UMODL1: variants seen among roughly 807,000 people sequenced by gnomAD.
The protein encoded by UMODL1 is uromodulin like 1, also known as uromodulin-like 1.
A neutral mutation model predicts 136.3 loss-of-function variants in UMODL1; 128 were observed. The ratio of observed to expected loss-of-function variants is 0.94; its 90% confidence interval spans 0.81 to 1.09. UMODL1 has a LOEUF of 1.09. Among genes scored for constraint, UMODL1 ranks in the 50% least tolerant of loss-of-function variants. The pLI, the probability that UMODL1 is intolerant of heterozygous loss-of-function variation, is 0.00. For synonymous variants in UMODL1, 721 were observed against 720.0 expected (o/e 1.00, Z -0.02); for missense variants, 1,766 against 1,725.6 (o/e 1.02, Z -0.41).
chr21:42,109,604 C>T lies in UMODL1; in HGVS notation c.1562C>T (p.Pro521Leu), dbSNP rs367931026. The change falls in exon 10 of 23, where the codon CCG becomes CTG. Residue 521 changes from proline to leucine, a missense_variant. Transcript: ENST00000408910. ...GACAGCGCGGAACACGACTGCTCAC[C>T]GGCTGCCTGGTGCATCAACCTGGAG... ...CVDSAEHDCS[P>L]AAWCINLEGS... The T allele has an allele frequency of 2.2e-5, 36 of 1,611,402 alleles. No homozygotes were observed. Among genetic ancestry groups the T allele is most frequent in the East Asian group, 1.1e-4 (5 of 44,886 alleles).
intron 4 of UMODL1, among the ~76,000 whole-genome samples, chr21:42,086,354 T>C (rs2066426571): frequency 6.6e-6 from 1 of 152,236 alleles, no homozygotes; most frequent in African/African-American, 2.4e-5. Context: ...GGTGTCTTGG[T>C]GTCAAACCCA....
chr21:42,134,914 T>G (rs1162575463), intron 21 of UMODL1, among the ~76,000 whole-genome samples: 6 of 152,130 alleles, frequency 3.9e-5, no homozygotes, highest in Non-Finnish European at 7.4e-5. Flanking sequence ...GTGAGCCACC[T>G]TGCCTGGCAA....
intron 2 of UMODL1, among the ~76,000 whole-genome samples, chr21:42,077,904 G>T (rs548022561): frequency 1.3e-5 from 2 of 152,276 alleles, no homozygotes; most frequent in African/African-American, 4.8e-5. Flanking sequence ...GCCCCAGATT[G>T]TAGAGTCTGG....
intron 2 of UMODL1, among the ~76,000 whole-genome samples, chr21:42,079,084 C>T (rs2066329933): frequency 6.6e-6 from 1 of 152,182 alleles, no homozygotes; most frequent in Non-Finnish European, 1.5e-5. Flanking sequence ...CCTGTGAAGG[C>T]CACACCTCTT....
chr21:42,089,468 G>C (rs2066464882), intron 5 of UMODL1, among the ~76,000 whole-genome samples: 1 of 152,164 alleles, frequency 6.6e-6, no homozygotes, highest in South Asian at 2.1e-4. Context: ...GAGCACACCT[G>C]TGGGTGGACC....
intron 2 of UMODL1, among the ~76,000 whole-genome samples, chr21:42,080,161 G>T (rs1345427940): frequency 6.6e-6 from 1 of 152,214 alleles, no homozygotes; most frequent in Non-Finnish European, 1.5e-5. Context: ...TTTGATCAAA[G>T]CCGCCTTTTT....
At chr21:42,132,637 A>G (rs201384144) in intron 21 of UMODL1, among the ~76,000 whole-genome samples, 1 of 136,262 alleles carries the variant, frequency 7.3e-6, no homozygotes, top group Non-Finnish European at 1.6e-5. Context: ...TTTATTCATT[A>G]ATTCATTCAT....
chr21:42,092,313 C>A (rs538260673), intron 6 of UMODL1, among the ~76,000 whole-genome samples: 3 of 151,986 alleles, frequency 2.0e-5, no homozygotes, highest in African/African-American at 4.8e-5. Context: ...AAAAGACAGG[C>A]GAAGCTGATC....
intron 14 of UMODL1, among the ~76,000 whole-genome samples, chr21:42,118,436 A>C (rs768336235): frequency 2.6e-5 from 4 of 152,234 alleles, no homozygotes; most frequent in African/African-American, 9.6e-5. Context: ...ATTGAAGCTC[A>C]TTATAAGATT....
intron 4 of UMODL1, among the ~76,000 whole-genome samples, chr21:42,088,082 T>A (rs1172942378): frequency 1.3e-5 from 2 of 152,236 alleles, no homozygotes; most frequent in African/African-American, 2.4e-5. Context: ...ATTCAGCTTA[T>A]CACAACTGGT....
rs57887783 is a variant in UMODL1 at position 42,108,860 on chromosome 21, C to G, written c.1520-702C>G. ...GGCGCGGGAAGTTCATGTTGTACTC[C>G]GCTGGACCCCACCCCCGGCGTGGGA... On this transcript the variant is annotated intron_variant, in intron 9 of 22. Coordinates refer to ENST00000408910, the MANE Select transcript of UMODL1 (RefSeq NM_001004416.3). Among the ~76,000 whole-genome samples the G allele has an allele frequency of 1.8e-4, 16 of 89,926 alleles. 2 individuals carry two copies. Among genetic ancestry groups the G allele is most frequent in the African/African-American group, 4.2e-4 (9 of 21,424 alleles). The allele number at this position is 89,926 out of a possible 152,430, so 59.0% of individuals were successfully genotyped here. A position where few individuals can be genotyped will look rare whatever the true frequency, so the allele number is the denominator to read the frequency against.
chr21:42,138,943 G>A (rs1342379452), intron 22 of UMODL1, among the ~76,000 whole-genome samples: 2 of 152,178 alleles, frequency 1.3e-5, no homozygotes, highest in Non-Finnish European at 2.9e-5. Flanking sequence ...CAAGGCAGGA[G>A]GATCGCTTAA....
chr21:42,110,962 C>A lies in UMODL1; in HGVS notation c.1740C>A (p.Ala580=). 6.2e-7 allele frequency: 1 copy of A among 1,613,202 alleles called. No homozygotes were observed. The highest frequency in any genetic ancestry group is 8.5e-7 in the Non-Finnish European group (1 of 1,179,816). ...TVPGLGTGTA[A]LGLENFTLSP... ...CAGGTCTTGGCACGGGAACAGCAGC[C>A]CTCGGCCTAGAGAACTTCACCTTGT... The change falls in exon 11 of 23, where the codon GCC becomes GCA. Residue 580 remains alanine (A), a synonymous_variant. Coordinates refer to ENST00000408910, the MANE Select transcript of UMODL1 (RefSeq NM_001004416.3).
chr21:42,074,461 T>G (rs545851279), intron 1 of UMODL1, among the ~76,000 whole-genome samples: 28 of 152,276 alleles, frequency 1.8e-4, no homozygotes, highest in Admixed American at 1.1e-3. Context: ...CAATTCAAAC[T>G]AGGCAGTAGG....
intron 17 of UMODL1, among the ~76,000 whole-genome samples, chr21:42,126,123 G>A (rs1229802417): frequency 1.3e-5 from 2 of 152,210 alleles, no homozygotes; most frequent in African/African-American, 4.8e-5. Flanking sequence ...ATCCCCACAG[G>A]TTCAGGTGCT....
chr21:42,140,298 G>A (rs2067262162), intron 22 of UMODL1, among the ~76,000 whole-genome samples: 1 of 100,546 alleles, frequency 9.9e-6, no homozygotes, highest in Non-Finnish European at 2.2e-5. Flanking sequence ...GAAAGGGATA[G>A]ACGTCCCAGG....
intron 9 of UMODL1, among the ~76,000 whole-genome samples, chr21:42,104,590 T>C (rs570023891): frequency 3.3e-5 from 5 of 151,972 alleles, no homozygotes; most frequent in Non-Finnish European, 7.4e-5. Flanking sequence ...GCTGGGATTA[T>C]AGGCGCCTGC....
At chr21:42,128,011 T>C in intron 20 of UMODL1, 180 bp downstream of exon 20, 1 of 809,032 alleles carries the variant, frequency 1.2e-6, no homozygotes, top group Non-Finnish European at 2.0e-6. Context: ...CAGGCAGCCC[T>C]TGGACGGAGG....
At chr21:42,080,764 G>A (rs918338173) in intron 2 of UMODL1, among the ~76,000 whole-genome samples, 1 of 152,218 alleles carries the variant, frequency 6.6e-6, no homozygotes, top group Non-Finnish European at 1.5e-5. Context: ...CATTTCACAA[G>A]AGGATGGCCA....
Sources: allele counts gnomAD v4.1 joint callset (sites outside exome capture counted in the v4.1 genomes callset), GRCh38; gene constraint gnomAD v4.1.1; transcripts MANE v1.5; gene names NCBI Gene and HGNC (gene_info 2026-07-23, HGNC 2026-07-21).